Variants in ALPK3 observed in about 807,000 individuals in gnomAD.
The protein encoded by ALPK3 is alpha kinase 3.
A neutral mutation model predicts 140.0 loss-of-function variants in ALPK3; 102 were observed. The observed-to-expected ratio is 0.73, with a 90% confidence interval of 0.62 to 0.86. The LOEUF (loss-of-function observed/expected upper bound fraction) is 0.86, where lower values mean the gene tolerates loss of function less well. ALPK3 is among the 40% of genes least tolerant of loss of function. The pLI is 0.00. For synonymous variants in ALPK3, 938 were observed against 898.5 expected (o/e 1.04, Z -0.79); for missense variants, 2,254 against 2,208.2 (o/e 1.02, Z -0.42).
intron 1 of ALPK3, among the ~76,000 whole-genome samples, chr15:84,822,432 G>A (rs917497640): frequency 1.8e-4 from 28 of 152,150 alleles, no homozygotes; most frequent in African/African-American, 5.3e-4. Context: ...GACATAGACC[G>A]TGAGCACCAT....
chr15:84,842,791 T>C (rs1372936317), intron 5 of ALPK3, among the ~76,000 whole-genome samples: 2 of 152,202 alleles, frequency 1.3e-5, no homozygotes, highest in East Asian at 3.8e-4. Context: ...TGTTCCTGAC[T>C]CTTGTCCCCC....
intron 5 of ALPK3, among the ~76,000 whole-genome samples, chr15:84,843,414 G>A (rs1282764892): frequency 6.6e-5 from 10 of 152,194 alleles, no homozygotes; most frequent in African/African-American, 2.4e-5. Context: ...GTTGCAGTGA[G>A]CAATAGTTTA....
intron 5 of ALPK3, among the ~76,000 whole-genome samples, chr15:84,844,819 C>T (rs306203): frequency 0.43 from 65,221 of 151,634 alleles, 14,939 homozygotes; most frequent in Middle Eastern, 0.54. Flanking sequence ...ATCACGCCAC[C>T]GCGCTCCAGC....
intron 10 of ALPK3, 39 bp from the exon 11 acceptor site, chr15:84,863,513 A>G (rs1430669898): frequency 9.5e-6 from 15 of 1,581,558 alleles, no homozygotes; most frequent in Non-Finnish European, 1.3e-5. Context: ...AGGACTGAGG[A>G]ATTTCTTTGC....
chr15:84,828,089 T>G (rs190392444), intron 3 of ALPK3, among the ~76,000 whole-genome samples: 1 of 152,318 alleles, frequency 6.6e-6, no homozygotes, highest in Non-Finnish European at 1.5e-5. Context: ...ATGATGTTAC[T>G]GAGCACGTTA....
Position 84,840,696 on chromosome 15 carries a change from C to T in ALPK3, c.1417C>T (p.Gln473Ter), listed in dbSNP as rs774736837. 6.2e-7 allele frequency: 1 copy of T among 1,609,300 alleles called. No homozygotes were observed. The highest frequency in any genetic ancestry group is 8.5e-7 in the Non-Finnish European group (1 of 1,177,658). ...PGQPTHSLTP[Q>*]PTRPFNRKRF... ...CCAGCCCACACACTCCTTGACCCCC[C>T]AGCCGACTAGGCCTTTCAACAGAAA... The change falls in exon 5 of 14, where the codon CAG (glutamine) becomes TAG (stop). Residue 473 changes from glutamine (Q) to a stop codon, truncating the protein, a stop_gained. Coordinates refer to ENST00000258888, the MANE Select transcript of ALPK3 (RefSeq NM_020778.5). LOFTEE classifies it high-confidence loss of function.
In ALPK3 at chr15:84,871,445, C is replaced by T. The variant is rs554441176; in HGVS notation, c.*2989C>T. 6.6e-6 allele frequency: 1 copy of T among 152,354 alleles called. No homozygotes were observed. The highest frequency in any genetic ancestry group is 1.9e-4 in the East Asian group (1 of 5,190). 9.4% of individuals were successfully genotyped at this position (152,354 alleles called of 1,614,324 possible). ...TGAGCCTGAAGTGGCCTGGTGGCTG[C>T]CTCAGCTTCCAGTTCAGTTGAATAG... On this transcript the variant is annotated 3_prime_UTR_variant, in exon 14 of 14. Transcript: ENST00000258888.
Position 84,841,667 on chromosome 15 carries a change from A to G in ALPK3, c.1653+735A>G, listed in dbSNP as rs116610870. On this transcript the variant is annotated intron_variant, in intron 5 of 13. Coordinates refer to ENST00000258888, the MANE Select transcript of ALPK3 (RefSeq NM_020778.5). ...ACAGGTAGCTGACAGAGAAAAGATT[A>G]TGTTTTGTGTGGAGACAGGGGTAGT... is the stretch of plus-strand genomic sequence containing the variant. Among the ~76,000 whole-genome samples the G allele has an allele frequency of 1.7e-3, 257 of 152,242 alleles. 1 individual carries two copies. Among genetic ancestry groups the G allele is most frequent in the African/African-American group, 6.0e-3 (251 of 41,550 alleles).
intron 10 of ALPK3, among the ~76,000 whole-genome samples, chr15:84,863,221 AAG>A: frequency 6.6e-6 from 1 of 152,118 alleles, no homozygotes; most frequent in Non-Finnish European, 1.5e-5. Context: ...TGTGAGATAA[AAG>A]GGGGGTGCTG....
At chr15:84,859,137 T>C in intron 6 of ALPK3, 106 bp from the exon 7 acceptor site, 4 of 1,488,928 alleles carry the variant, frequency 2.7e-6, no homozygotes, top group Non-Finnish European at 3.6e-6. Context: ...GTGTGGAGAC[T>C]TGAATCCTGT....
chr15:84,856,816 A>T lies in ALPK3; in HGVS notation c.2078A>T (p.Gln693Leu). 6.2e-7 allele frequency: 1 copy of T among 1,614,130 alleles called. No individual in the cohort carries two copies. The highest frequency in any genetic ancestry group is 1.7e-5 in the Admixed American group (1 of 60,020). ...DRKAQADKGT[Q>L]EDRRMQGEKG... ...AAGGCCCAGGCAGATAAGGGCACACAGGAAGACAGAAGGATGCAGGGAGAG... is the reference window on the plus strand; with the variant it reads ...AAGGCCCAGGCAGATAAGGGCACACTGGAAGACAGAAGGATGCAGGGAGAG... The change falls in exon 6 of 14, where the codon CAG becomes CTG. Residue 693 changes from glutamine (Q) to leucine (L), a missense_variant. Around this residue, in one of 3 missense-constraint regions of ALPK3, gnomAD observed 2,088 missense variants for 2,022.9 expected, o/e 1.03. Coordinates refer to ENST00000258888, the MANE Select transcript of ALPK3 (RefSeq NM_020778.5).
intron 3 of ALPK3, among the ~76,000 whole-genome samples, chr15:84,830,787 G>A (rs1186353074): frequency 2.0e-5 from 3 of 152,002 alleles, no homozygotes; most frequent in African/African-American, 7.3e-5. Context: ...AGCCTCAACC[G>A]CCCCGGCTCA....
At chr15:84,861,641 C>G (rs1391865374) in intron 9 of ALPK3, among the ~76,000 whole-genome samples, 1 of 152,074 alleles carries the variant, frequency 6.6e-6, no homozygotes, top group African/African-American at 2.4e-5. Flanking sequence ...TTAATTTGGT[C>G]TTTTCTTCTT....
chr15:84,818,373 C>A (rs1320818790), intron 1 of ALPK3, among the ~76,000 whole-genome samples: 1 of 152,176 alleles, frequency 6.6e-6, no homozygotes, highest in Non-Finnish European at 1.5e-5. Flanking sequence ...AGACAGGCAT[C>A]CAGGAAATCA....
chr15:84,820,832 G>A (rs778529789), intron 1 of ALPK3, among the ~76,000 whole-genome samples: 4 of 151,950 alleles, frequency 2.6e-5, no homozygotes, highest in Non-Finnish European at 5.9e-5. Flanking sequence ...CTATATCACC[G>A]AGGTTGATCT....
chr15:84,840,900 CA>C lies in ALPK3; in HGVS notation c.1622del (p.Gln541ArgfsTer31). 6.2e-7 allele frequency: 1 copy of C among 1,608,128 alleles called. No individual in the cohort carries two copies. Among genetic ancestry groups the C allele is most frequent in the Non-Finnish European group, 8.5e-7 (1 of 1,177,348 alleles). ...RRHGTRDSTLQGQAGHRTPGE... is the reference protein window; with the variant it reads ...RRHGTRDSTLXGQAGHRTPGE... ...ACATGGCACCCGGGACAGCACGTTGCAGGGGCAAGCAGGCCACAGGACTCCA... is the reference window on the plus strand; with the variant it reads ...ACATGGCACCCGGGACAGCACGTTGCGGGGCAAGCAGGCCACAGGACTCCA... On this transcript the variant is annotated frameshift_variant, in exon 5 of 14. Coordinates refer to ENST00000258888, the MANE Select transcript of ALPK3 (RefSeq NM_020778.5). LOFTEE classifies it high-confidence loss of function.
rs774505914 is a variant in ALPK3, at chr15:84,840,799, A to G, written c.1520A>G (p.Glu507Gly). 3 of 1,614,214 alleles carry G rather than the reference A, an allele frequency of 1.9e-6. No individual in the cohort carries two copies. Among genetic ancestry groups the G allele is most frequent in the Non-Finnish European group, 2.5e-6 (3 of 1,180,036 alleles). ...ATTTCTTCTCTGAGTCAAGCTCCAG[A>G]ATGCGGGGCCCAGAGCTTAGGAAAG... ...KPISSLSQAP[E>G]CGAQSLGKAP... The change falls in exon 5 of 14, where the codon GAA (glutamate) becomes GGA (glycine). Residue 507 changes from glutamate to glycine, a missense_variant. Around this residue, in one of 3 missense-constraint regions of ALPK3, gnomAD observed 2,088 missense variants for 2,022.9 expected, o/e 1.03. Coordinates refer to ENST00000258888, the MANE Select transcript of ALPK3 (RefSeq NM_020778.5).
At chr15:84,864,812 A>G in intron 12 of ALPK3, 147 bp downstream of exon 12, 1 of 903,674 alleles carries the variant, frequency 1.1e-6, no homozygotes, top group Non-Finnish European at 1.7e-6. Flanking sequence ...TGTAAAGTAG[A>G]TTGGACACGG....
At chr15:84,839,643 G>T in intron 4 of ALPK3, 59 bp from the exon 5 acceptor site, 3 of 1,530,766 alleles carry the variant, frequency 2.0e-6, no homozygotes, top group Non-Finnish European at 1.8e-6. Context: ...TGGCTGGGGG[G>T]TGTGGGGGCT....
Sources: allele counts gnomAD v4.1 joint callset (sites outside exome capture counted in the v4.1 genomes callset), GRCh38; gene constraint gnomAD v4.1.1; regional missense constraint gnomAD v4.1.1; transcripts MANE v1.5; gene names NCBI Gene and HGNC (gene_info 2026-07-23, HGNC 2026-07-21).